The following OTOG variants were observed in gnomAD, a reference collection of about 807,000 sequenced individuals.
OTOG encodes otogelin.
A neutral mutation model predicts 313.8 loss-of-function variants in OTOG; 296 were observed. The ratio of observed to expected loss-of-function variants is 0.94; its 90% CI spans 0.86 to 1.04. The LOEUF (loss-of-function observed/expected upper bound fraction) is 1.04. Among genes scored for constraint, OTOG ranks in the 50% least tolerant of loss-of-function variants. The pLI is 0.00. For missense variants in OTOG, 3,948 were observed against 3,840.1 expected, an observed-to-expected ratio of 1.03 and a Z score of -0.74; for synonymous variants, 1,533 against 1,554.9, an observed-to-expected ratio of 0.99 and a Z score of 0.33.
chr11:17,613,195 T>TTTTCTTTCTTTCTTTCTTTCATTCTTTC (rs1853616767), intron 38 of OTOG, among the ~76,000 whole-genome samples: 1 of 65,326 alleles, frequency 1.5e-5, no homozygotes, highest in South Asian at 5.7e-4. Flanking sequence ...TCTTTCTTTC[T>TTTTCTTTCTTTCTTTCTTTCATTCTTTC]TTTCTTTCTT....
rs148482006 is a variant in OTOG at position 17,592,661 on chromosome 11, C to A, written c.3007-532C>A. 2.2e-3 allele frequency among the ~76,000 whole-genome samples: 334 copies of A among 152,172 alleles called. 2 individuals are homozygous for A. The highest frequency in any genetic ancestry group is 3.6e-3 in the Non-Finnish European group (244 of 67,984). On this transcript the variant is annotated intron_variant, in intron 25 of 55. Coordinates refer to ENST00000399397, the MANE Select transcript of OTOG (RefSeq NM_001292063.2). ...TCATATAGTTGGTACACACTTTTTT[C>A]TTTTGAACAGCTGTGTAGAATTCTA...
intron 32 of OTOG, among the ~76,000 whole-genome samples, chr11:17,603,587 G>A (rs928357827): frequency 1.3e-5 from 2 of 152,136 alleles, no homozygotes; most frequent in Admixed American, 1.3e-4. Context: ...CATGGGCCCA[G>A]TGGGGACCCA....
At chr11:17,628,270 A>T (rs1854032781) in intron 39 of OTOG, among the ~76,000 whole-genome samples, 1 of 151,922 alleles carries the variant, frequency 6.6e-6, no homozygotes. Context: ...TTCCATTATC[A>T]TTTGTTTCAA....
At position 17,606,826 on chromosome 11, in the gene OTOG, C is replaced by T. The variant is rs542634286; in HGVS notation, c.4156+691C>T. On this transcript the variant is annotated intron_variant, in intron 33 of 55. Transcript: ENST00000399397. The stretch of plus-strand genomic sequence containing the variant: ...CCAGCCTCCTTATTTCATCACCCAC[C>T]CCACCCAAGCCAGGGCTGGGTGAGC... 2.6e-5 allele frequency among the ~76,000 whole-genome samples: 4 copies of T among 152,304 alleles called. No individual in the cohort carries two copies. In the South Asian group the frequency reaches 8.3e-4, roughly 32 times the overall value.
chr11:17,576,843 C>A (rs911808518), intron 21 of OTOG, 25 bp from the exon 22 acceptor site: 3 of 1,549,820 alleles, frequency 1.9e-6, no homozygotes, highest in Non-Finnish European at 2.6e-6. Context: ...GGTCGGCTAA[C>A]CCCAGGGCCC....
intron 31 of OTOG, among the ~76,000 whole-genome samples, chr11:17,601,659 CAGCAG>C (rs1210047705): frequency 6.6e-6 from 1 of 151,828 alleles, no homozygotes; most frequent in Admixed American, 6.6e-5. Context: ...GGGGTGGGCA[CAGCAG>C]AGGCAGGAAG....
At chr11:17,605,503 T>C (rs1267970746) in intron 32 of OTOG, among the ~76,000 whole-genome samples, 2 of 152,148 alleles carry the variant, frequency 1.3e-5, no homozygotes, top group African/African-American at 4.8e-5. Flanking sequence ...TGATGGATCC[T>C]GCGTATCTAG....
chr11:17,645,597 C>T lies in OTOG; in HGVS notation c.8495C>T (p.Thr2832Ile), dbSNP rs1253394398. The T allele has an allele frequency of 6.4e-7, 1 of 1,550,632 alleles. No individual in the cohort carries two copies. The highest frequency in any genetic ancestry group is 8.7e-7 in the Non-Finnish European group (1 of 1,147,004). Residue 2832 changes from threonine to isoleucine, a missense_variant, in exon 55 of 56, where the codon ACC becomes ATC. Physicochemically the swap from Thr to Ile is moderately conservative, Grantham distance 89. Coordinates refer to ENST00000399397, the MANE Select transcript of OTOG (RefSeq NM_001292063.2). ...GATGGGCGCTCCTGCAAGAAGGTGACCATCCGCATGACCATCCGCAAGAAT... is the reference window on the plus strand; with the variant it reads ...GATGGGCGCTCCTGCAAGAAGGTGATCATCCGCATGACCATCCGCAAGAAT... Reference protein sequence around the residue: ...KEDGRSCKKVTIRMTIRKNEC... With the variant: ...KEDGRSCKKVIIRMTIRKNEC...
intron 34 of OTOG, 45 bp downstream of exon 34, chr11:17,608,458 T>C (rs771298728): frequency 1.5e-6 from 2 of 1,314,522 alleles, no homozygotes; most frequent in South Asian, 2.9e-5. Flanking sequence ...GTGTGTGCAC[T>C]AGTGTGTGTG....
At chr11:17,638,622 C>T (rs544719328) in intron 48 of OTOG, 73 bp downstream of exon 48, 15 of 1,502,354 alleles carry the variant, frequency 1.0e-5, no homozygotes, top group Admixed American at 9.8e-5. Context: ...TGAGGGAGCC[C>T]GGCCTACCAC....
intron 25 of OTOG, 24 bp from the exon 26 acceptor site, chr11:17,593,169 T>G: frequency 6.5e-7 from 1 of 1,541,928 alleles, no homozygotes; most frequent in Non-Finnish European, 8.8e-7. Context: ...CTTGTTTTAT[T>G]GGACTCACTT....
chr11:17,578,553 G>C, intron 23 of OTOG, 27 bp downstream of exon 23: 1 of 1,501,052 alleles, frequency 6.7e-7, no homozygotes, highest in East Asian at 2.5e-5. Context: ...TCGTGGGCCC[G>C]TGATCCTGAA....
chr11:17,576,800 G>A, intron 21 of OTOG, 68 bp from the exon 22 acceptor site: 2 of 1,531,238 alleles, frequency 1.3e-6, no homozygotes, highest in African/African-American at 1.4e-5. Flanking sequence ...CCCGAGTGCA[G>A]CAACATGGGG....
chr11:17,591,310 T>C, intron 24 of OTOG, 140 bp from the exon 25 acceptor site: 1 of 1,174,752 alleles, frequency 8.5e-7, no homozygotes, highest in South Asian at 1.7e-5. Flanking sequence ...CCCTCCAGGC[T>C]CCTGTTAGAG....
Position 17,610,087 on chromosome 11 carries a change from C to T in OTOG, c.4787C>T (p.Ala1596Val). The change falls in exon 36 of 56, where the codon GCA becomes GTA. Residue 1596 changes from alanine (A) to valine (V), a missense_variant. Transcript: ENST00000399397. Reference sequence around the variant, plus strand: ...ACAACAAGGGTGACTGTGATCTTTGCAGGAAGCCCTAACATCACAGTCTCC... The same window carrying T: ...ACAACAAGGGTGACTGTGATCTTTGTAGGAAGCCCTAACATCACAGTCTCC... ...METTRVTVIFAGSPNITVSSR... is the reference protein window; with the variant it reads ...METTRVTVIFVGSPNITVSSR... 6.4e-7 allele frequency: 1 copy of T among 1,550,566 alleles called. No homozygotes were observed. Among genetic ancestry groups the T allele is most frequent in the Non-Finnish European group, 8.7e-7 (1 of 1,146,946 alleles).
rs561289036 is a variant in OTOG, at chr11:17,644,783, G to A, written c.8462-781G>A. On this transcript the variant is annotated intron_variant, in intron 54 of 55. Coordinates refer to ENST00000399397, the MANE Select transcript of OTOG (RefSeq NM_001292063.2). ...GCTTATGATTCACATCGTAATTACC[G>A]ATGTGTCTCTGACAAGACAGTGATT... Among the ~76,000 whole-genome samples, 9 of 152,292 alleles carry A rather than the reference G, an allele frequency of 5.9e-5. No homozygotes were observed. In the East Asian group the frequency reaches 9.6e-4, roughly 16 times the overall value.
Position 17,573,252 on chromosome 11 carries a change from G to A in OTOG, c.2255G>A (p.Gly752Glu). ...AHYAHLCRRHGLPVDFRARLP... is the reference protein window; with the variant it reads ...AHYAHLCRRHELPVDFRARLP... ...TACGCCCACCTGTGCCGGCGCCATG[G>A]GCTCCCCGTTGATTTCCGCGCCCGC... Residue 752 changes from glycine (G) to glutamate (E), a missense_variant, in exon 19 of 56, where the codon GGG (glycine) becomes GAG (glutamate). Physicochemically the swap from Gly to Glu is moderately conservative, Grantham distance 98 (BLOSUM62 -2). Transcript: ENST00000399397. The A allele has an allele frequency of 6.5e-7, 1 of 1,531,942 alleles. No individual in the cohort carries two copies. The highest frequency in any genetic ancestry group is 8.7e-7 in the Non-Finnish European group (1 of 1,143,494). 94.9% of individuals were successfully genotyped at this position (1,531,942 alleles called of 1,614,324 possible). A position where few individuals can be genotyped will look rare whatever the true frequency, so the allele number is the denominator to read the frequency against.
chr11:17,632,155 C>T lies in OTOG; in HGVS notation c.7001C>T (p.Ala2334Val), dbSNP rs1854145004. The T allele has an allele frequency of 6.4e-7, 1 of 1,550,978 alleles. No individual in the cohort carries two copies. Among genetic ancestry groups the T allele is most frequent in the African/African-American group, 1.4e-5 (1 of 73,046 alleles). The change falls in exon 42 of 56, where the codon GCC becomes GTC. Residue 2334 changes from alanine to valine, a missense_variant. By Grantham distance (64) the Ala-to-Val change is moderately conservative. Coordinates refer to ENST00000399397, the MANE Select transcript of OTOG (RefSeq NM_001292063.2). ...DTKYVQQPCVALTVYVAMCHK... is the reference protein window; with the variant it reads ...DTKYVQQPCVVLTVYVAMCHK... ...AAGTACGTGCAGCAGCCCTGCGTGGCCCTGACTGTGTACGTGGCCATGTGC... is the reference window on the plus strand; with the variant it reads ...AAGTACGTGCAGCAGCCCTGCGTGGTCCTGACTGTGTACGTGGCCATGTGC...
Position 17,605,990 on chromosome 11 carries a change from C to T in OTOG, c.4011C>T (p.His1337=). 1.3e-6 allele frequency: 2 copies of T among 1,550,624 alleles called. No individual in the cohort carries two copies. Among genetic ancestry groups the T allele is most frequent in the Non-Finnish European group, 8.7e-7 (1 of 1,147,002 alleles). Residue 1337 remains histidine (H), a synonymous_variant, in exon 33 of 56, where the codon CAC becomes CAT. Transcript: ENST00000399397. The part of the protein sequence containing the change: ...TFQQHASFLL[H]RGTRQAGLVA... Reference sequence around the variant, plus strand: ...AACAGCATGCCTCCTTCTTGCTGCACCGGGGGACACGGCAGGCAGGCCTGG... The same window carrying T: ...AACAGCATGCCTCCTTCTTGCTGCATCGGGGGACACGGCAGGCAGGCCTGG...
Sources: gnomAD v4.1 joint callset for allele counts (sites outside exome capture counted in the v4.1 genomes callset) on GRCh38, gnomAD v4.1.1 for gene constraint, MANE v1.5 for transcripts, NCBI Gene and HGNC (gene_info 2026-07-23, HGNC 2026-07-21) for gene names.